The following IGSF3 variants were observed in gnomAD, a reference collection of about 807,000 sequenced individuals.
IGSF3 encodes the protein glu-Trp-Ile EWI motif-containing protein 3.
A neutral mutation model predicts 114.4 loss-of-function variants in IGSF3; 23 were observed. The observed-to-expected ratio is 0.20, with a 90% CI of 0.14 to 0.28. IGSF3 has a LOEUF of 0.28. Among genes scored for constraint, IGSF3 ranks in the 10% least tolerant of loss-of-function variants. The pLI is 1.00. For synonymous variants in IGSF3, 571 were observed against 645.2 expected, an observed-to-expected ratio of 0.88 and a Z score of 1.74; for missense variants, 1,172 against 1,591.5, an observed-to-expected ratio of 0.74 and a Z score of 4.48.
Position 116,588,930 on chromosome 1 carries a change from T to C in IGSF3, c.2204A>G (p.His735Arg). 1 of 1,614,144 alleles carries C rather than the reference T, an allele frequency of 6.2e-7. No individual in the cohort carries two copies. The highest frequency in any genetic ancestry group is 8.5e-7 in the Non-Finnish European group (1 of 1,180,028). Residue 735 changes from histidine (H) to arginine (R), a missense_variant, in exon 8 of 11, where the codon CAC becomes CGC. Physicochemically the swap from His to Arg is conservative, Grantham distance 29. Around this residue, in one of 3 missense-constraint regions of IGSF3, gnomAD observed 736 missense variants for 1,042.0 expected, o/e 0.71. Coordinates refer to ENST00000369486, the MANE Select transcript of IGSF3 (RefSeq NM_001007237.3). The surrounding 1 kb of genome is among the most constrained non-coding windows in gnomAD (Gnocchi z 4.9). The part of the protein sequence containing the change: ...ADGKLILKTT[H>R]NSAFEYGTYA... ...AGTACCGTATTCAAAGGCGGAGTTG[T>C]GGGTGGTCTTCAGGATAAGCTTGCC...
chr1:116,599,764 A>G (rs1378802625), intron 7 of IGSF3, among the ~76,000 whole-genome samples, 177 bp downstream of exon 7: 1 of 152,234 alleles, frequency 6.6e-6, no homozygotes, highest in Non-Finnish European at 1.5e-5. Context: ...CTATCAAGGA[A>G]AGGAAATACA....
chr1:116,639,299 A>T (rs1398312687), intron 2 of IGSF3, among the ~76,000 whole-genome samples: 3 of 152,356 alleles, frequency 2.0e-5, no homozygotes, highest in Admixed American at 2.0e-4. Context: ...ACCAGGTCTT[A>T]AAGGGTTTGT....
At chr1:116,581,249 C>T (rs1166901487) in intron 9 of IGSF3, among the ~76,000 whole-genome samples, 5 of 151,288 alleles carry the variant, frequency 3.3e-5, no homozygotes, top group African/African-American at 1.2e-4. Flanking sequence ...CACAGAGTAA[C>T]CACAGAGAGG....
At chr1:116,601,249 A>T (rs1660573315) in intron 6 of IGSF3, among the ~76,000 whole-genome samples, 1 of 152,214 alleles carries the variant, frequency 6.6e-6, no homozygotes, top group African/African-American at 2.4e-5. Context: ...AAATTGCCCA[A>T]TATCAAGCAT....
Position 116,666,359 on chromosome 1 carries a change from G to C in IGSF3, c.-33C>G, listed in dbSNP as rs375216626. On this transcript the variant is annotated 5_prime_UTR_variant, in exon 2 of 11. Transcript: ENST00000369486. ...GCCTCCAGGAGACACAACACAAGGC[G>C]CTTCCTCTTCTCCCAGCTCCTAATC... 9.9e-6 allele frequency: 16 copies of C among 1,608,390 alleles called. No homozygotes were observed. The African/African-American group carries it at 2.0e-4, about 20-fold the overall frequency.
rs147079238 is a variant in IGSF3 at position 116,616,404 on chromosome 1, T to G, written c.97A>C (p.Thr33Pro). Residue 33 changes from threonine to proline, a missense_variant, in exon 3 of 11, where the codon ACG becomes CCG. Around this residue, in one of 3 missense-constraint regions of IGSF3, gnomAD observed 736 missense variants for 1,042.0 expected, o/e 0.71. Coordinates refer to ENST00000369486, the MANE Select transcript of IGSF3 (RefSeq NM_001007237.3). The surrounding 1 kb of genome is among the most constrained non-coding windows in gnomAD (Gnocchi z 6.6). ...CAGATAGTGATGTGGGAGCCCTCCG[T>G]GCGGTACAAGGGTCCTTCCTGAACG... ...VTVQEGPLYR[T>P]EGSHITIWCN... 2.6e-5 allele frequency: 42 copies of G among 1,610,250 alleles called. No homozygotes were observed. The African/African-American group carries it at 4.1e-4, about 16-fold the overall frequency.
In IGSF3 at chr1:116,610,190, C is replaced by G. The variant is rs1345788508; in HGVS notation, c.833-1859G>C. ...TGCTGGATATTATCTCTCAGGTCAA[C>G]CCAGTTAGTCATTTATAACCCAACA... On this transcript the variant is annotated intron_variant, in intron 4 of 10. Transcript: ENST00000369486. The surrounding 1 kb of genome is among the most constrained non-coding windows in gnomAD (Gnocchi z 4.3). 6.6e-6 allele frequency among the ~76,000 whole-genome samples: 1 copy of G among 152,166 alleles called. No individual in the cohort carries two copies. The highest frequency in any genetic ancestry group is 1.9e-4 in the East Asian group (1 of 5,186).
rs1242083918 is a variant in IGSF3, at chr1:116,596,571, A to C, written c.2029+3370T>G. ...TGTCTTATGACCCCAACTTCCAAAA[A>C]ACAAATTTAAGGATTTGCTAAAGGG... On this transcript the variant is annotated intron_variant, in intron 7 of 10. Coordinates refer to ENST00000369486, the MANE Select transcript of IGSF3 (RefSeq NM_001007237.3). This position sits in a 1 kb window ranked among gnomAD's most constrained non-coding sequence, Gnocchi z 4.1. Among the ~76,000 whole-genome samples, 2 of 152,230 alleles carry C rather than the reference A, an allele frequency of 1.3e-5. No homozygotes were observed. Among genetic ancestry groups the C allele is most frequent in the Non-Finnish European group, 2.9e-5 (2 of 68,048 alleles).
chr1:116,599,417 CACAA>C (rs1218373129), intron 7 of IGSF3, among the ~76,000 whole-genome samples: 1 of 151,648 alleles, frequency 6.6e-6, no homozygotes, highest in Non-Finnish European at 1.5e-5. Flanking sequence ...CACACACACA[CACAA>C]ACACACAGGT....
chr1:116,621,557 C>A (rs1661419244), intron 2 of IGSF3, among the ~76,000 whole-genome samples: 1 of 152,150 alleles, frequency 6.6e-6, no homozygotes, highest in Non-Finnish European at 1.5e-5. Flanking sequence ...ACCACAGAAA[C>A]TGTGAGATAA....
At chr1:116,590,580 C>G (rs1245267096) in intron 7 of IGSF3, among the ~76,000 whole-genome samples, 1 of 152,084 alleles carries the variant, frequency 6.6e-6, no homozygotes, top group Non-Finnish European at 1.5e-5. Flanking sequence ...GTGTGGAGGG[C>G]AGGGGCAGGG....
In IGSF3 at chr1:116,624,949, A is replaced by C. The variant is rs1425627575; in HGVS notation, c.44-8492T>G. Among the ~76,000 whole-genome samples, 3 of 152,236 alleles carry C rather than the reference A, an allele frequency of 2.0e-5. No homozygotes were observed. The highest frequency in any genetic ancestry group is 4.8e-5 in the African/African-American group (2 of 41,468). ...ACCCAGCTCCACCTGCCACCATGTG[A>C]GTGAACAAGCCTCCACTGTGAGCTG... On this transcript the variant is annotated intron_variant, in intron 2 of 10. Coordinates refer to ENST00000369486, the MANE Select transcript of IGSF3 (RefSeq NM_001007237.3). The surrounding 1 kb of genome is among the most constrained non-coding windows in gnomAD (Gnocchi z 4.9).
rs1649158339 is a variant in IGSF3 at position 116,662,497 on chromosome 1, G to C, written c.43+3787C>G. Among the ~76,000 whole-genome samples, 1 of 152,200 alleles carries C rather than the reference G, an allele frequency of 6.6e-6. No individual in the cohort carries two copies. On this transcript the variant is annotated intron_variant, in intron 2 of 10. Coordinates refer to ENST00000369486, the MANE Select transcript of IGSF3 (RefSeq NM_001007237.3). The surrounding 1 kb of genome is among the most constrained non-coding windows in gnomAD (Gnocchi z 4.3). ...TATAGTTGGGTCACAGTAAGGGCTA[G>C]AGTTAGGAGAGCTGGTATTACTGCC... is the stretch of plus-strand genomic sequence containing the variant.
rs1307108123 is a variant in IGSF3 at position 116,605,634 on chromosome 1, T to C, written c.1223-1609A>G. On this transcript the variant is annotated intron_variant, in intron 5 of 10. Transcript: ENST00000369486. The surrounding 1 kb of genome is among the most constrained non-coding windows in gnomAD (Gnocchi z 5.1). ...CAATTTCTCATGTGCAAAATGGAGATACTAATAGTGCCTACTTCTTAGGGC... is the reference window on the plus strand; with the variant it reads ...CAATTTCTCATGTGCAAAATGGAGACACTAATAGTGCCTACTTCTTAGGGC... Among the ~76,000 whole-genome samples, 1 of 152,184 alleles carries C rather than the reference T, an allele frequency of 6.6e-6. No individual in the cohort carries two copies. Among genetic ancestry groups the C allele is most frequent in the Non-Finnish European group, 1.5e-5 (1 of 68,040 alleles).
rs1028734808 is a variant in IGSF3, at chr1:116,638,797, T to A, written c.44-22340A>T. ...CAGGCCCTCCCCTAATTGCTCTATA[T>A]GTGTTACAATGTTTAACCCTCACAA... On this transcript the variant is annotated intron_variant, in intron 2 of 10. Coordinates refer to ENST00000369486, the MANE Select transcript of IGSF3 (RefSeq NM_001007237.3). The surrounding 1 kb of genome is among the most constrained non-coding windows in gnomAD (Gnocchi z 4.1). Among the ~76,000 whole-genome samples the A allele has an allele frequency of 3.4e-4, 51 of 152,178 alleles. No individual in the cohort carries two copies. Among genetic ancestry groups the A allele is most frequent in the Non-Finnish European group, 4.9e-4 (33 of 68,020 alleles).
At chr1:116,626,821 A>G (rs1416797546) in intron 2 of IGSF3, among the ~76,000 whole-genome samples, 3 of 152,088 alleles carry the variant, frequency 2.0e-5, no homozygotes, top group Non-Finnish European at 4.4e-5. Context: ...CCTCACTCTC[A>G]TGCGAAAGAC....
chr1:116,661,591 G>A lies in IGSF3; in HGVS notation c.43+4693C>T, dbSNP rs916728134. On this transcript the variant is annotated intron_variant, in intron 2 of 10. Coordinates refer to ENST00000369486, the MANE Select transcript of IGSF3 (RefSeq NM_001007237.3). The surrounding 1 kb of genome is among the most constrained non-coding windows in gnomAD (Gnocchi z 4.0). ...AAGCCTTCTTAGAAGCCAGAGGCTCGGCTTCAGAGTCAAACGGAATAGCTT... is the reference window on the plus strand; with the variant it reads ...AAGCCTTCTTAGAAGCCAGAGGCTCAGCTTCAGAGTCAAACGGAATAGCTT... Among the ~76,000 whole-genome samples the A allele has an allele frequency of 1.3e-5, 2 of 152,116 alleles. No individual in the cohort carries two copies. Among genetic ancestry groups the A allele is most frequent in the South Asian group, 2.1e-4 (1 of 4,826 alleles).
Position 116,589,079 on chromosome 1 carries a change from C to T in IGSF3, c.2055G>A (p.Ser685=), listed in dbSNP as rs1020054212. 6 of 1,613,686 alleles carry T rather than the reference C, an allele frequency of 3.7e-6. No homozygotes were observed. Among genetic ancestry groups the T allele is most frequent in the South Asian group, 2.2e-5 (2 of 91,060 alleles). The change falls in exon 8 of 11, where the codon TCG becomes TCA. Residue 685 remains serine, a synonymous_variant. Transcript: ENST00000369486. The surrounding 1 kb of genome is among the most constrained non-coding windows in gnomAD (Gnocchi z 5.7). ...QPVTKLQVSK[S]KRTLTLVENK... is the part of the protein sequence containing the mutation. Reference sequence around the variant, plus strand: ...TTTCCACCAGGGTGAGGGTCCTCTTCGATTTGCTCACCTGCAGCTTTGTCA... The same window carrying T: ...TTTCCACCAGGGTGAGGGTCCTCTTTGATTTGCTCACCTGCAGCTTTGTCA...
Position 116,666,865 on chromosome 1 carries a change from C to A in IGSF3, c.-539G>T, listed in dbSNP as rs1170246429. 2 of 405,312 alleles carry A rather than the reference C, an allele frequency of 4.9e-6. No homozygotes were observed. Among genetic ancestry groups the A allele is most frequent in the Non-Finnish European group, 8.7e-6 (2 of 229,916 alleles). 25.1% of individuals were successfully genotyped at this position (405,312 alleles called of 1,614,324 possible). A position where few individuals can be genotyped will look rare whatever the true frequency, so the allele number is the denominator to read the frequency against. On this transcript the variant is annotated 5_prime_UTR_variant, in exon 2 of 11. Transcript: ENST00000369486. ...CGTTTCCATCCATGGTGGTAGGTCACGGAGGCGCCACCTGCCCCACGCCTG... is the reference window on the plus strand; with the variant it reads ...CGTTTCCATCCATGGTGGTAGGTCAAGGAGGCGCCACCTGCCCCACGCCTG...
Sources: allele counts gnomAD v4.1 joint callset (sites outside exome capture counted in the v4.1 genomes callset), GRCh38; gene constraint gnomAD v4.1.1; regional missense constraint gnomAD v4.1.1; non-coding constraint Gnocchi (gnomAD v3.1); transcripts MANE v1.5; gene names NCBI Gene and HGNC (gene_info 2026-07-23, HGNC 2026-07-21).